The following NOTCH2 variants were observed in gnomAD, a reference collection of about 807,000 sequenced individuals.
NOTCH2 encodes neurogenic locus notch homolog protein 2.
In NOTCH2, 29 loss-of-function variants were observed where a neutral mutation model predicts 235.8. The ratio of observed to expected loss-of-function variants is 0.12; its 90% CI spans 0.09 to 0.17. The LOEUF is 0.17. Ranked by LOEUF, NOTCH2 falls within the 10% of genes least tolerant of loss-of-function variation. The pLI, the probability that NOTCH2 is intolerant of heterozygous loss-of-function variation, is 1.00. For synonymous variants in NOTCH2, 1,086 were observed against 1,141.5 expected, an observed-to-expected ratio of 0.95 and a Z score of 0.98; for missense variants, 2,285 against 3,150.2, an observed-to-expected ratio of 0.73 and a Z score of 6.57.
In NOTCH2 at chr1:119,916,449, G is replaced by A. The variant is rs1158134272; in HGVS notation, c.6273C>T (p.Phe2091=). 2 of 1,613,694 alleles carry A rather than the reference G, an allele frequency of 1.2e-6. No individual in the cohort carries two copies. The highest frequency in any genetic ancestry group is 4.5e-5 in the East Asian group (2 of 44,868). The change falls in exon 34 of 34, where the codon TTC becomes TTT. Residue 2091 remains phenylalanine, a synonymous_variant. Transcript: ENST00000256646. ...SPVICGPNRS[F]LSLKHTPMGK... is the part of the protein sequence containing the mutation. ...CCATTGGGGTGTGCTTCAGGCTGAGGAAAGATCTGTTGGGCCCACAGATGA... is the reference window on the plus strand; with the variant it reads ...CCATTGGGGTGTGCTTCAGGCTGAGAAAAGATCTGTTGGGCCCACAGATGA...
intron 1 of NOTCH2, among the ~76,000 whole-genome samples, chr1:120,034,334 C>CAAAAAAAA (rs1553211473): frequency 1.1e-5 from 1 of 93,614 alleles, no homozygotes; most frequent in East Asian, 2.4e-4. Context: ...CTCTACTCCA[C>CAAAAAAAA]CAAAAAAAAA....
At chr1:120,025,291 C>T (rs1182192112) in intron 2 of NOTCH2, among the ~76,000 whole-genome samples, 6 of 151,416 alleles carry the variant, frequency 4.0e-5, no homozygotes, top group African/African-American at 1.5e-4. Flanking sequence ...GCTGAAAAGA[C>T]TGAGCAGAAG....
At position 119,918,452 on chromosome 1, in the gene NOTCH2, T is replaced by C; in HGVS notation, c.5883A>G (p.Ala1961=). 1.2e-6 allele frequency: 2 copies of C among 1,614,222 alleles called. No homozygotes were observed. The highest frequency in any genetic ancestry group is 1.7e-6 in the Non-Finnish European group (2 of 1,180,038). Residue 1961 remains alanine, a synonymous_variant, in exon 32 of 34, where the codon GCA becomes GCG. Coordinates refer to ENST00000256646, the MANE Select transcript of NOTCH2 (RefSeq NM_024408.4). The stretch of plus-strand genomic sequence containing the variant: ...CATCCGCTTGGCAGTTGATCAGTTC[T>C]GCCACCATTCCCTCCACAGCCAGGC... ...AARLAVEGMV[A]ELINCQADVN...
intron 21 of NOTCH2, among the ~76,000 whole-genome samples, chr1:119,936,355 TA>T (rs2101184568): frequency 6.6e-6 from 1 of 152,326 alleles, no homozygotes; most frequent in Non-Finnish European, 1.5e-5. Context: ...CAGAGAGCTC[TA>T]AAGGCCAGCA....
At chr1:119,938,110 G>T in intron 19 of NOTCH2, 100 bp from the exon 20 acceptor site, 2 of 1,344,872 alleles carry the variant, frequency 1.5e-6, no homozygotes, top group South Asian at 1.3e-5. Flanking sequence ...AAAGCAAACT[G>T]ATTAAAAAGA....
intron 4 of NOTCH2, chr1:119,996,789 AT>A (rs1382852356): frequency 1.2e-6 from 1 of 822,660 alleles, no homozygotes; most frequent in African/African-American, 1.7e-5. Context: ...ACTCATCATC[AT>A]AAACCCTGAC....
intron 3 of NOTCH2, among the ~76,000 whole-genome samples, chr1:119,997,574 G>A (rs1553204407): frequency 1.3e-5 from 2 of 151,828 alleles, no homozygotes; most frequent in African/African-American, 4.8e-5. Context: ...GCAATTGTAG[G>A]TTAGTCACAT....
intron 5 of NOTCH2, 31 bp from the exon 6 acceptor site, chr1:119,969,775 C>G: frequency 6.3e-7 from 1 of 1,585,466 alleles, no homozygotes; most frequent in Middle Eastern, 1.7e-4. Flanking sequence ...TTGATTAGGG[C>G]TCTTGAGTCT....
intron 11 of NOTCH2, 145 bp downstream of exon 11, chr1:119,963,429 T>G: frequency 1.2e-6 from 1 of 809,166 alleles, no homozygotes. Flanking sequence ...CTTGAGACAT[T>G]TATGTTTGTG....
At chr1:119,943,655 C>T (rs897475414) in intron 17 of NOTCH2, among the ~76,000 whole-genome samples, 12 of 152,052 alleles carry the variant, frequency 7.9e-5, no homozygotes, top group Non-Finnish European at 1.6e-4. Flanking sequence ...AGATGGATGT[C>T]TAGCATCCAG....
At position 119,916,507 on chromosome 1, in the gene NOTCH2, G is replaced by A. The variant is rs2101144747; in HGVS notation, c.6215C>T (p.Pro2072Leu). The A allele has an allele frequency of 2.5e-6, 4 of 1,612,584 alleles. No individual in the cohort carries two copies. The highest frequency in any genetic ancestry group is 3.4e-6 in the Non-Finnish European group (4 of 1,178,636). Residue 2072 changes from proline to leucine, a missense_variant, in exon 34 of 34, where the codon CCA becomes CTA. Coordinates refer to ENST00000256646, the MANE Select transcript of NOTCH2 (RefSeq NM_024408.4). ...GAGAGCAGAAGTCAACACGGTGCCT[G>A]GAGGGCTTGGGGTCACATTGTATTC... ...LDEYNVTPSPPGTVLTSALSP... is the reference protein window; with the variant it reads ...LDEYNVTPSPLGTVLTSALSP...
In NOTCH2 at chr1:119,913,265, T is replaced by C. The variant is rs1648951272; in HGVS notation, c.*2041A>G. 4.3e-6 allele frequency: 1 copy of C among 233,216 alleles called. No individual in the cohort carries two copies. Among genetic ancestry groups the C allele is most frequent in the Non-Finnish European group, 8.5e-6 (1 of 118,064 alleles). The allele number at this position is 233,216 out of a possible 1,614,324, so 14.4% of individuals were successfully genotyped here. A position where few individuals can be genotyped will look rare whatever the true frequency, so the allele number is the denominator to read the frequency against. ...GCTTATCTCAGGGCAGAAGTAATTA[T>C]TTTTGTTGGTTCAATAAATTTGGAT... On this transcript the variant is annotated 3_prime_UTR_variant, in exon 34 of 34. Transcript: ENST00000256646.
rs2101145187 is a variant in NOTCH2 at position 119,916,656 on chromosome 1, G to A, written c.6066C>T (p.Ser2022=). The A allele has an allele frequency of 6.2e-7, 1 of 1,614,168 alleles. No homozygotes were observed. The highest frequency in any genetic ancestry group is 8.5e-7 in the Non-Finnish European group (1 of 1,180,036). ...TPLFLAAREG[S]YEAAKILLDH... is the part of the protein sequence containing the mutation. ...CTAACAGGATCTTGGCTGCTTCATA[G>A]CTCCCCTCCCGGGCAGCAAGAAACA... The change falls in exon 34 of 34, where the codon AGC becomes AGT. Residue 2022 remains serine (S), a synonymous_variant. Coordinates refer to ENST00000256646, the MANE Select transcript of NOTCH2 (RefSeq NM_024408.4).
intron 1 of NOTCH2, among the ~76,000 whole-genome samples, chr1:120,040,933 A>G (rs1654520490): frequency 6.9e-6 from 1 of 145,984 alleles, no homozygotes; most frequent in East Asian, 2.1e-4. Context: ...CCCAGCTACT[A>G]GGGAGTCTGA....
intron 1 of NOTCH2, among the ~76,000 whole-genome samples, chr1:120,067,351 G>C (rs1487886262): frequency 1.3e-5 from 2 of 150,942 alleles, no homozygotes; most frequent in Non-Finnish European, 2.9e-5. Context: ...CACTCAACTT[G>C]ACTACCTAAA....
intron 1 of NOTCH2, among the ~76,000 whole-genome samples, chr1:120,034,335 C>CAAA (rs558577685): frequency 7.2e-5 from 4 of 55,766 alleles, no homozygotes; most frequent in African/African-American, 5.8e-4. Flanking sequence ...TCTACTCCAC[C>CAAA]AAAAAAAAAA....
intron 14 of NOTCH2, among the ~76,000 whole-genome samples, chr1:119,952,487 G>A (rs1214715227): frequency 1.3e-5 from 2 of 152,182 alleles, no homozygotes; most frequent in African/African-American, 4.8e-5. Flanking sequence ...TGGAGGTGAT[G>A]GGAGACAGTG....
intron 1 of NOTCH2, among the ~76,000 whole-genome samples, chr1:120,064,587 G>T (rs1169468968): frequency 6.6e-6 from 1 of 152,032 alleles, no homozygotes; most frequent in Admixed American, 6.5e-5. Flanking sequence ...TGCCAGACAA[G>T]TTCTGTAGTA....
At chr1:119,984,750 C>T (rs1310094757) in intron 5 of NOTCH2, among the ~76,000 whole-genome samples, 6 of 152,116 alleles carry the variant, frequency 3.9e-5, no homozygotes, top group African/African-American at 1.2e-4. Context: ...GTCCAACCGC[C>T]CCCATAACTC....
Sources: allele counts gnomAD v4.1 joint callset (sites outside exome capture counted in the v4.1 genomes callset), GRCh38; gene constraint gnomAD v4.1.1; transcripts MANE v1.5; gene names NCBI Gene and HGNC (gene_info 2026-07-23, HGNC 2026-07-21).